ADGRF3: variants seen among roughly 807,000 people sequenced by gnomAD.
ADGRF3 encodes the protein G protein-coupled receptor 113.
A neutral mutation model predicts 93.2 loss-of-function variants in ADGRF3; 85 were observed. The observed-to-expected ratio is 0.91, with a 90% CI of 0.77 to 1.09. ADGRF3 has a LOEUF of 1.09. Among genes scored for constraint, ADGRF3 ranks in the 50% least tolerant of loss-of-function variants. The pLI is 0.00. For missense variants in ADGRF3, 1,125 were observed against 1,246.2 expected (o/e 0.90, Z 1.46); for synonymous variants, 534 against 532.5 (o/e 1.00, Z -0.04).
chr2:26,345,574 C>G (rs1339532939), intron 1 of ADGRF3: 1 of 153,374 alleles, frequency 6.5e-6, no homozygotes, highest in Non-Finnish European at 1.5e-5. Context: ...GGCAGCAGCT[C>G]GGCCTTCTCT....
At chr2:26,336,590 G>T (rs536046839) in intron 1 of ADGRF3, among the ~76,000 whole-genome samples, 5 of 151,914 alleles carry the variant, frequency 3.3e-5, no homozygotes, top group Non-Finnish European at 7.4e-5. Flanking sequence ...GCTGGGCGTG[G>T]TGGCAAGTGC....
rs760467903 is a variant in ADGRF3 at position 26,310,856 on chromosome 2, C to T, written c.2668G>A (p.Glu890Lys). 1 of 1,613,042 alleles carries T rather than the reference C, an allele frequency of 6.2e-7. No individual in the cohort carries two copies. The highest frequency in any genetic ancestry group is 8.5e-7 in the Non-Finnish European group (1 of 1,179,494). The change falls in exon 10 of 14, where the codon GAG (glutamate) becomes AAG (lysine). Residue 890 changes from glutamate to lysine, a missense_variant. Transcript: ENST00000651242. Reference protein sequence around the residue: ...MLKLLRPSLSEGPPAEKRQAL... With the variant: ...MLKLLRPSLSKGPPAEKRQAL... ...TGGCGCTTCTCTGCTGGGGGTCCCT[C>T]TGACAGCGAAGGTCTCAGCAACTTC...
intron 1 of ADGRF3, chr2:26,340,265 G>A (rs1260046408): frequency 6.6e-6 from 1 of 152,194 alleles, no homozygotes; most frequent in Non-Finnish European, 1.5e-5. Flanking sequence ...GAAAGTCTTA[G>A]GTAGTAGAGC....
chr2:26,330,739 G>T (rs967609299), intron 1 of ADGRF3, among the ~76,000 whole-genome samples: 1 of 152,164 alleles, frequency 6.6e-6, no homozygotes. Flanking sequence ...TTCTTCTGTA[G>T]TTCTGTCTGT....
chr2:26,339,822 C>T (rs1262819180), intron 1 of ADGRF3, among the ~76,000 whole-genome samples: 1 of 151,910 alleles, frequency 6.6e-6, no homozygotes, highest in Non-Finnish European at 1.5e-5. Context: ...ACAACCTGGC[C>T]ATTGTTGAGA....
At chr2:26,327,823 C>T (rs1359375855) in intron 1 of ADGRF3, among the ~76,000 whole-genome samples, 2 of 149,950 alleles carry the variant, frequency 1.3e-5, no homozygotes, top group African/African-American at 2.5e-5. Flanking sequence ...AAGAAATAAA[C>T]GTCTTCTTTT....
intron 1 of ADGRF3, among the ~76,000 whole-genome samples, chr2:26,322,779 T>C (rs1279705417): frequency 6.6e-6 from 1 of 152,154 alleles, no homozygotes; most frequent in Non-Finnish European, 1.5e-5. Context: ...TTGGTATATT[T>C]TTCTACTTTT....
intron 1 of ADGRF3, among the ~76,000 whole-genome samples, chr2:26,322,814 G>A (rs1378571860): frequency 6.6e-6 from 1 of 152,142 alleles, no homozygotes; most frequent in Admixed American, 6.6e-5. Context: ...TTTGTATTCT[G>A]TAATAGAAAA....
At chr2:26,343,900 A>G (rs1445846556) in intron 1 of ADGRF3, among the ~76,000 whole-genome samples, 1 of 152,244 alleles carries the variant, frequency 6.6e-6, no homozygotes, top group East Asian at 1.9e-4. Flanking sequence ...ACTTGTTACA[A>G]CCTTATGCAG....
intron 1 of ADGRF3, among the ~76,000 whole-genome samples, chr2:26,339,748 T>C (rs10190873): frequency 0.84 from 128,340 of 152,008 alleles, 55,442 homozygotes; most frequent in Middle Eastern, 0.94. Context: ...AATCTTGAGA[T>C]AGGCAGACCA....
intron 1 of ADGRF3, among the ~76,000 whole-genome samples, chr2:26,344,607 C>G (rs952759378): frequency 6.6e-6 from 1 of 152,216 alleles, no homozygotes; most frequent in African/African-American, 2.4e-5. Context: ...CAAATACTGC[C>G]CTCGAGGGCA....
chr2:26,329,007 T>G (rs898307509), intron 1 of ADGRF3, among the ~76,000 whole-genome samples: 1 of 152,220 alleles, frequency 6.6e-6, no homozygotes, highest in Non-Finnish European at 1.5e-5. Context: ...GTGATTAAAT[T>G]ATGAATATTG....
chr2:26,344,214 G>C (rs561733440), intron 1 of ADGRF3, among the ~76,000 whole-genome samples: 1 of 152,062 alleles, frequency 6.6e-6, no homozygotes, highest in Non-Finnish European at 1.5e-5. Context: ...ACACAATCTC[G>C]GTTCACCGTA....
In ADGRF3 at chr2:26,317,033, A is replaced by G; in HGVS notation, c.204T>C (p.Tyr68=). The G allele has an allele frequency of 2.5e-6, 4 of 1,612,496 alleles. No homozygotes were observed. The highest frequency in any genetic ancestry group is 3.4e-6 in the Non-Finnish European group (4 of 1,179,346). Residue 68 remains tyrosine (Y), a synonymous_variant, in exon 3 of 14, where the codon TAT becomes TAC. Coordinates refer to ENST00000651242, the MANE Select transcript of ADGRF3 (RefSeq NM_001321971.2). ...TCTTATCTGGAAAGTCCAGATGTAC[A>G]TAGACGGAGACCAGCGCTGATTCTA... ...GAGESALVSV[Y]VHLDFPDKTW...
At chr2:26,339,463 T>G (rs1415872223) in intron 1 of ADGRF3, among the ~76,000 whole-genome samples, 1 of 152,186 alleles carries the variant, frequency 6.6e-6, no homozygotes, top group Non-Finnish European at 1.5e-5. Context: ...GCCACTGCAC[T>G]CCAGCCTGGG....
chr2:26,313,532 A>G lies in ADGRF3; in HGVS notation c.1114T>C (p.Trp372Arg). The change falls in exon 8 of 14, where the codon TGG (tryptophan) becomes CGG (arginine). Residue 372 changes from tryptophan to arginine, a missense_variant. Transcript: ENST00000651242. Reference sequence around the variant, plus strand: ...ACGTGGCCAGCCTTGGTGACATTCCAGGTGAGCACCGAGGCGTCCTCAGGG... The same window carrying G: ...ACGTGGCCAGCCTTGGTGACATTCCGGGTGAGCACCGAGGCGTCCTCAGGG... The part of the protein sequence containing the change: ...TCPEDASVLT[W>R]NVTKAGHVAQ... 1 of 1,610,918 alleles carries G rather than the reference A, an allele frequency of 6.2e-7. No individual in the cohort carries two copies. The highest frequency in any genetic ancestry group is 2.2e-5 in the East Asian group (1 of 44,858).
rs146176807 is a variant in ADGRF3 at position 26,319,565 on chromosome 2, C to T, written c.115-2003G>A. Among the ~76,000 whole-genome samples the T allele has an allele frequency of 2.0e-3, 94 of 48,166 alleles. 3 individuals carry two copies. Among genetic ancestry groups the T allele is most frequent in the South Asian group, 0.013 (11 of 880 alleles). The allele number at this position is 48,166 out of a possible 152,430, so 31.6% of individuals were successfully genotyped here. A position where few individuals can be genotyped will look rare whatever the true frequency, so the allele number is the denominator to read the frequency against. On this transcript the variant is annotated intron_variant, in intron 1 of 13. Transcript: ENST00000651242. ...TCTTTCTCTCCCTCCCTCCCTCCCT[C>T]CCTTCCTTCCTTCCTTCCTTCCTTC...
At chr2:26,316,639 C>G (rs1157831840) in intron 3 of ADGRF3, among the ~76,000 whole-genome samples, 191 bp from the exon 4 acceptor site, 1 of 152,108 alleles carries the variant, frequency 6.6e-6, no homozygotes, top group Non-Finnish European at 1.5e-5. Flanking sequence ...GCAGATGTCT[C>G]GGGGGCCAGG....
chr2:26,322,497 C>T (rs1211630404), intron 1 of ADGRF3, among the ~76,000 whole-genome samples: 1 of 152,034 alleles, frequency 6.6e-6, no homozygotes. Context: ...CCAAGGTGTT[C>T]AAAACTATTG....
Sources: allele counts gnomAD v4.1 joint callset (sites outside exome capture counted in the v4.1 genomes callset), GRCh38; gene constraint gnomAD v4.1.1; transcripts MANE v1.5; gene names NCBI Gene and HGNC (gene_info 2026-07-23, HGNC 2026-07-21).